Variants in ELMO1 observed in about 807,000 individuals in gnomAD.
ELMO1 encodes the protein engulfment and cell motility protein 1.
ELMO1 carries 26 observed loss-of-function variants against 98.9 expected under a neutral mutation model. That is an observed-to-expected ratio of 0.26 (90% CI 0.19 to 0.36). ELMO1 has a LOEUF of 0.36. ELMO1 is among the 10% of genes least tolerant of loss of function. The pLI is 1.00. For synonymous variants in ELMO1, 346 were observed against 346.0 expected, an observed-to-expected ratio of 1.00 and a Z score of 0.00; for missense variants, 627 against 935.2, an observed-to-expected ratio of 0.67 and a Z score of 4.30.
Position 37,060,878 on chromosome 7 carries a change from G to GCACAGAGGGGAGAGGGGAGGACAGAGA in ELMO1, c.1300+35714_1300+35740dup, listed in dbSNP as rs1456375911. 9.1e-3 allele frequency among the ~76,000 whole-genome samples: 1,383 copies of GCACAGAGGGGAGAGGGGAGGACAGAGA among 152,176 alleles called. 32 individuals are homozygous for GCACAGAGGGGAGAGGGGAGGACAGAGA. The highest frequency in any genetic ancestry group is 0.032 in the African/African-American group (1,320 of 41,466). On this transcript the variant is annotated intron_variant, in intron 15 of 21. Transcript: ENST00000310758. ...TGGTGATGGGCTAGGGAGGAGGGAG[G>GCACAGAGGGGAGAGGGGAGGACAGAGA]CACAGAGGGGAGAGGGGAGGACAGA...
intron 1 of ELMO1, among the ~76,000 whole-genome samples, chr7:37,380,337 T>C (rs774058549): frequency 3.9e-5 from 6 of 152,226 alleles, no homozygotes; most frequent in Non-Finnish European, 5.9e-5. Context: ...AAAGAGCACA[T>C]GTTGGTTTTG....
chr7:36,892,699 A>G (rs558680037), intron 17 of ELMO1, among the ~76,000 whole-genome samples: 2 of 152,320 alleles, frequency 1.3e-5, no homozygotes, highest in South Asian at 4.1e-4. Flanking sequence ...AGATCACTCT[A>G]ATAGGCAAAA....
intron 15 of ELMO1, among the ~76,000 whole-genome samples, chr7:37,046,003 A>G (rs1795776313): frequency 6.6e-6 from 1 of 152,146 alleles, no homozygotes; most frequent in East Asian, 1.9e-4. Flanking sequence ...AGGCTGTCTC[A>G]TGGGAGGCAG....
chr7:36,934,242 C>T (rs534044287), intron 16 of ELMO1, among the ~76,000 whole-genome samples: 1 of 152,308 alleles, frequency 6.6e-6, no homozygotes, highest in East Asian at 1.9e-4. Context: ...TCAGCCCTTC[C>T]CACAACCAAG....
chr7:37,094,131 A>T (rs868595125), intron 15 of ELMO1, among the ~76,000 whole-genome samples: 30 of 152,156 alleles, frequency 2.0e-4, no homozygotes, highest in African/African-American at 7.0e-4. Flanking sequence ...TTTTCATTGA[A>T]CAAATTAATA....
chr7:37,398,894 A>T (rs1714812738), intron 1 of ELMO1, among the ~76,000 whole-genome samples: 1 of 152,164 alleles, frequency 6.6e-6, no homozygotes, highest in Non-Finnish European at 1.5e-5. Flanking sequence ...CCTGCAGGCC[A>T]AACCCAGCTC....
At chr7:37,271,734 C>T in intron 5 of ELMO1, 98 bp downstream of exon 5, 3 of 1,320,524 alleles carry the variant, frequency 2.3e-6, no homozygotes, top group Non-Finnish European at 3.2e-6. Flanking sequence ...TTTTGCTTTG[C>T]ACTAAAGTCA....
At chr7:37,027,931 G>C (rs928017252) in intron 15 of ELMO1, among the ~76,000 whole-genome samples, 1 of 152,112 alleles carries the variant, frequency 6.6e-6, no homozygotes, top group African/African-American at 2.4e-5. Context: ...CATAATCTGA[G>C]TAACATGACA....
intron 15 of ELMO1, among the ~76,000 whole-genome samples, chr7:37,086,554 C>A (rs191044205): frequency 6.6e-6 from 1 of 151,558 alleles, no homozygotes; most frequent in Non-Finnish European, 1.5e-5. Context: ...ACCAGCCTGG[C>A]CAGCATGGTG....
At chr7:37,118,914 C>T (rs1463696825) in intron 14 of ELMO1, among the ~76,000 whole-genome samples, 1 of 152,158 alleles carries the variant, frequency 6.6e-6, no homozygotes, top group African/African-American at 2.4e-5. Flanking sequence ...CTACCACCTC[C>T]ATATGAATCT....
intron 6 of ELMO1, among the ~76,000 whole-genome samples, chr7:37,247,344 G>C (rs1795069017): frequency 6.6e-6 from 1 of 152,166 alleles, no homozygotes; most frequent in Non-Finnish European, 1.5e-5. Context: ...GGTAAAACCA[G>C]TCCTAAAGTC....
At chr7:37,186,935 T>A (rs1212517330) in intron 13 of ELMO1, among the ~76,000 whole-genome samples, 1 of 152,218 alleles carries the variant, frequency 6.6e-6, no homozygotes, top group Non-Finnish European at 1.5e-5. Flanking sequence ...CAGTATGTGA[T>A]ACAATCAGTG....
intron 16 of ELMO1, among the ~76,000 whole-genome samples, chr7:36,909,423 T>C (rs1784191726): frequency 6.6e-6 from 1 of 152,206 alleles, no homozygotes; most frequent in Non-Finnish European, 1.5e-5. Flanking sequence ...CTTTGCAAAA[T>C]GGTGTCTGCT....
chr7:37,114,579 G>A (rs778773383), intron 14 of ELMO1, among the ~76,000 whole-genome samples: 16 of 152,154 alleles, frequency 1.1e-4, no homozygotes, highest in Non-Finnish European at 1.8e-4. Flanking sequence ...GTTTAGCCAT[G>A]CTGAACCCCT....
chr7:37,044,621 G>A (rs1283793049), intron 15 of ELMO1, among the ~76,000 whole-genome samples: 1 of 152,068 alleles, frequency 6.6e-6, no homozygotes, highest in Non-Finnish European at 1.5e-5. Flanking sequence ...TATTCTTAAT[G>A]TCCAAACCTG....
chr7:36,860,014 C>T (rs4720224), intron 21 of ELMO1, among the ~76,000 whole-genome samples: 76,853 of 152,010 alleles, frequency 0.51, 20,019 homozygotes, highest in African/African-American at 0.62. Flanking sequence ...TTATGATGAT[C>T]CTCTTCCACT....
chr7:37,318,715 G>C (rs1799334162), intron 2 of ELMO1, among the ~76,000 whole-genome samples: 1 of 152,152 alleles, frequency 6.6e-6, no homozygotes. Flanking sequence ...CCATAGGTTA[G>C]CCTAGCCAAT....
intron 1 of ELMO1, among the ~76,000 whole-genome samples, chr7:37,414,625 A>G (rs1354498968): frequency 1.3e-5 from 2 of 152,216 alleles, no homozygotes; most frequent in Non-Finnish European, 2.9e-5. Flanking sequence ...GACAGAAAAA[A>G]AGAAACCCTA....
At chr7:37,231,322 T>C (rs913978552) in intron 8 of ELMO1, among the ~76,000 whole-genome samples, 56 of 119,412 alleles carry the variant, frequency 4.7e-4, no homozygotes, top group Admixed American at 2.2e-3. Context: ...CCTAAGATAA[T>C]GATTAATTTC....
Sources: allele counts gnomAD v4.1 joint callset (sites outside exome capture counted in the v4.1 genomes callset), GRCh38; gene constraint gnomAD v4.1.1; transcripts MANE v1.5; gene names NCBI Gene and HGNC (gene_info 2026-07-23, HGNC 2026-07-21).